The following ENOX2 variants were observed in gnomAD, a reference collection of about 807,000 sequenced individuals.
ENOX2 encodes the protein ecto-NOX disulfide-thiol exchanger 2.
ENOX2 carries 36 observed loss-of-function variants against 45.0 expected under a neutral mutation model. The ratio of observed to expected loss-of-function variants is 0.80; its 90% CI spans 0.61 to 1.06. The LOEUF is 1.06. ENOX2 is among the 50% of genes least tolerant of loss of function. The probability of loss-of-function intolerance (pLI) is 0.00; values close to 1 mark genes in which losing one functional copy is unlikely to be tolerated. For missense variants in ENOX2, 423 were observed against 462.5 expected (o/e 0.91, Z 0.78); for synonymous variants, 174 against 152.3 (o/e 1.14, Z -1.05).
intron 3 of ENOX2, among the ~76,000 whole-genome samples, chrX:130,732,767 G>A (rs749301334): frequency 1.8e-5 from 2 of 110,214 alleles, no homozygotes; most frequent in East Asian, 2.8e-4. Context: ...CCAAAAATAC[G>A]CAACAGGGAA....
At position 130,876,691 on chromosome X, in the gene ENOX2, G is replaced by A. The variant is rs188625420; in HGVS notation, c.-183+24993C>T. Among the ~76,000 whole-genome samples the A allele has an allele frequency of 8.1e-5, 9 of 111,474 alleles. No individual in the cohort carries two copies. The East Asian group carries it at 2.5e-3, about 32-fold the overall frequency. On this transcript the variant is annotated intron_variant, in intron 2 of 14. Coordinates refer to ENST00000394363, the MANE Select transcript of ENOX2 (RefSeq NM_006375.4). ...TGATGATTGTTTTCCAGCATTTGAA[G>A]GGCTACCAGTTGCTTGGCATAGCAG...
intron 3 of ENOX2, among the ~76,000 whole-genome samples, chrX:130,703,534 CTCTTT>C (rs2037959689): frequency 9.1e-6 from 1 of 110,065 alleles, no homozygotes; most frequent in Admixed American, 9.7e-5. Flanking sequence ...CTCTCTCTCT[CTCTTT>C]TTTCAAGCAT....
At chrX:130,809,189 T>C (rs975627570) in intron 2 of ENOX2, among the ~76,000 whole-genome samples, 5 of 112,409 alleles carry the variant, frequency 4.4e-5, no homozygotes, top group African/African-American at 1.6e-4. Flanking sequence ...ATCAGAAAAT[T>C]ACAATTTGTT....
chrX:130,891,319 AG>A (rs1471229754), intron 2 of ENOX2, among the ~76,000 whole-genome samples: 3 of 109,340 alleles, frequency 2.7e-5, no homozygotes, highest in Non-Finnish European at 5.7e-5. Flanking sequence ...AAAATGTTTC[AG>A]GAATAGTTTG....
chrX:130,825,985 T>C (rs2077712331), intron 2 of ENOX2, among the ~76,000 whole-genome samples: 1 of 111,025 alleles, frequency 9.0e-6, no homozygotes, highest in Non-Finnish European at 1.9e-5. Flanking sequence ...ATATTAAGCT[T>C]TATCATAGGT....
At chrX:130,694,600 C>CTTTTTTT (rs1176052103) in intron 4 of ENOX2, among the ~76,000 whole-genome samples, 3 of 86,194 alleles carry the variant, frequency 3.5e-5, no homozygotes, top group Admixed American at 1.3e-4. Flanking sequence ...CTTTTCTTTT[C>CTTTTTTT]TTTTTTTTTT....
chrX:130,748,616 G>C (rs1227177383), intron 3 of ENOX2, among the ~76,000 whole-genome samples: 1 of 112,082 alleles, frequency 8.9e-6, no homozygotes, highest in African/African-American at 3.2e-5. Context: ...TCCATTGGGG[G>C]ACATTTGGAT....
Position 130,637,567 on chromosome X carries a change from T to C in ENOX2, c.1130-157A>G, listed in dbSNP as rs1455599392. 2.0e-4 allele frequency among the ~76,000 whole-genome samples: 22 copies of C among 111,950 alleles called. No individual in the cohort carries two copies. The Admixed American group carries it at 2.1e-3, about 11-fold the overall frequency. On this transcript the variant is annotated intron_variant, in intron 10 of 14. Transcript: ENST00000394363. ...GATACAAAAGCACACAGGCCTGTTT[T>C]TATAAATGAACTAGGATTCCAACAC...
chrX:130,769,237 C>T (rs1787160136), intron 3 of ENOX2, among the ~76,000 whole-genome samples: 2 of 111,520 alleles, frequency 1.8e-5, no homozygotes, highest in African/African-American at 6.5e-5. Context: ...AAGGCTTAAG[C>T]AGGCTTAAGC....
At chrX:130,864,284 G>A (rs2078455816) in intron 2 of ENOX2, among the ~76,000 whole-genome samples, 1 of 110,734 alleles carries the variant, frequency 9.0e-6, no homozygotes, top group Non-Finnish European at 1.9e-5. Flanking sequence ...GACATTTCAT[G>A]GGTTAGCCCT....
chrX:130,656,558 A>G, intron 10 of ENOX2, 23 bp downstream of exon 10: 2 of 948,316 alleles, frequency 2.1e-6, no homozygotes, highest in Non-Finnish European at 3.0e-6. Flanking sequence ...TTTATTAAAT[A>G]AAGAAAACAG....
At chrX:130,865,734 T>A (rs1359048259) in intron 2 of ENOX2, among the ~76,000 whole-genome samples, 1 of 111,499 alleles carries the variant, frequency 9.0e-6, no homozygotes, top group Non-Finnish European at 1.9e-5. Context: ...CATGGCTGAT[T>A]TATATCTTCT....
At chrX:130,632,359 AGGGGCGGGG>A (rs1271057178) in intron 12 of ENOX2, among the ~76,000 whole-genome samples, 1 of 6,406 alleles carries the variant, frequency 1.6e-4, no homozygotes, top group Non-Finnish European at 7.5e-4. Flanking sequence ...TGTAGCAGGA[AGGGGCGGGG>A]GGGGGGGGTG....
At position 130,742,318 on chromosome X, in the gene ENOX2, CA is replaced by C. The variant is rs759184791; in HGVS notation, c.-38-39065del. Among the ~76,000 whole-genome samples, 341 of 86,658 alleles carry C rather than the reference CA, an allele frequency of 3.9e-3. 3 individuals carry two copies. The highest frequency in any genetic ancestry group is 0.015 in the African/African-American group (331 of 22,132). The allele number at this position is 86,658 out of a possible 115,157, so 75.3% of individuals were successfully genotyped here. ...TGACATCTTTACAGTGAATCTTTCA[CA>C]ACTGCCTTATAAAAAAGATGGAGAA... On this transcript the variant is annotated intron_variant, in intron 3 of 14. Transcript: ENST00000394363.
intron 2 of ENOX2, among the ~76,000 whole-genome samples, chrX:130,878,244 G>A (rs902230295): frequency 1.8e-5 from 2 of 112,031 alleles, no homozygotes; most frequent in East Asian, 2.8e-4. Flanking sequence ...AGTTTGCTTC[G>A]GGGTGGGGTT....
chrX:130,655,748 C>T (rs1002384357), intron 10 of ENOX2, among the ~76,000 whole-genome samples: 1 of 111,655 alleles, frequency 9.0e-6, no homozygotes, highest in African/African-American at 3.3e-5. Context: ...GATTCTTCTG[C>T]CTCAGCCTCC....
rs751621378 is a variant in ENOX2, at chrX:130,867,687, A to T, written c.-183+33997T>A. ...ACGTGTTCCAAAATTCTAATTCTAA[A>T]TTTTAACATTGGCAAGAAATACCAG... On this transcript the variant is annotated intron_variant, in intron 2 of 14. Coordinates refer to ENST00000394363, the MANE Select transcript of ENOX2 (RefSeq NM_006375.4). 8.1e-4 allele frequency among the ~76,000 whole-genome samples: 91 copies of T among 112,011 alleles called. 1 individual carries two copies. The highest frequency in any genetic ancestry group is 2.8e-3 in the African/African-American group (87 of 30,943).
intron 2 of ENOX2, among the ~76,000 whole-genome samples, chrX:130,860,379 C>T (rs1603372716): frequency 8.9e-6 from 1 of 111,924 alleles, no homozygotes; most frequent in African/African-American, 3.3e-5. Context: ...CTCCTAAATG[C>T]ATAGCTCTAG....
chrX:130,684,919 A>G (rs1314135431), intron 5 of ENOX2, among the ~76,000 whole-genome samples: 1 of 111,317 alleles, frequency 9.0e-6, no homozygotes, highest in Non-Finnish European at 1.9e-5. Context: ...AGCCAAGATC[A>G]CACCACTGCA....
Sources: allele counts gnomAD v4.1 joint callset (sites outside exome capture counted in the v4.1 genomes callset), GRCh38; gene constraint gnomAD v4.1.1; transcripts MANE v1.5; gene names NCBI Gene and HGNC (gene_info 2026-07-23, HGNC 2026-07-21).